NRXN3: variants seen among roughly 807,000 people sequenced by gnomAD.
NRXN3 encodes the protein neurexin 3.
A neutral mutation model predicts 137.6 loss-of-function variants in NRXN3; 32 were observed. The ratio of observed to expected loss-of-function variants is 0.23; its 90% CI spans 0.18 to 0.31. NRXN3 has a LOEUF of 0.31. Among genes scored for constraint, NRXN3 ranks in the 10% least tolerant of loss-of-function variants. NRXN3 has a pLI of 1.00. For synonymous variants in NRXN3, 798 were observed against 784.5 expected (o/e 1.02, Z -0.29); for missense variants, 1,574 against 2,062.5 (o/e 0.76, Z 4.59).
At chr14:79,804,171 G>A (rs1238500757) in intron 19 of NRXN3, among the ~76,000 whole-genome samples, 1 of 151,802 alleles carries the variant, frequency 6.6e-6, no homozygotes, top group African/African-American at 2.4e-5. Flanking sequence ...GGAAATAAAT[G>A]AGCATTATTG....
chr14:79,410,916 C>G (rs2095408751), intron 15 of NRXN3, among the ~76,000 whole-genome samples: 1 of 152,024 alleles, frequency 6.6e-6, no homozygotes, highest in African/African-American at 2.4e-5. Flanking sequence ...TATTTTGAGT[C>G]TTCAGGGTAC....
At chr14:78,772,910 A>G (rs766735493) in intron 8 of NRXN3, among the ~76,000 whole-genome samples, 3 of 152,236 alleles carry the variant, frequency 2.0e-5, no homozygotes, top group Non-Finnish European at 2.9e-5. Flanking sequence ...TCTAACTCGG[A>G]GGAAGTTCTT....
chr14:78,842,919 T>C (rs1440838284), intron 10 of NRXN3, among the ~76,000 whole-genome samples: 3 of 152,136 alleles, frequency 2.0e-5, no homozygotes, highest in Admixed American at 6.5e-5. Context: ...ACATTGCTGT[T>C]ATCCTGTTCT....
intron 15 of NRXN3, among the ~76,000 whole-genome samples, chr14:79,017,201 C>G (rs536160318): frequency 6.9e-6 from 1 of 144,954 alleles, no homozygotes; most frequent in Non-Finnish European, 1.5e-5. Context: ...GACCACTGCC[C>G]TCCTTGTGCA....
chr14:78,343,850 A>G (rs1298421758), intron 4 of NRXN3, among the ~76,000 whole-genome samples: 2 of 152,176 alleles, frequency 1.3e-5, no homozygotes, highest in African/African-American at 4.8e-5. Flanking sequence ...CCCAGCATCA[A>G]TGTATTATAA....
chr14:79,685,764 A>C (rs1051859865), intron 17 of NRXN3, among the ~76,000 whole-genome samples: 6 of 152,202 alleles, frequency 3.9e-5, no homozygotes, highest in African/African-American at 1.4e-4. Context: ...AATATGTTGT[A>C]ATTATTGCAT....
chr14:79,830,239 G>A (rs1265752278), intron 20 of NRXN3, among the ~76,000 whole-genome samples: 7 of 152,138 alleles, frequency 4.6e-5, no homozygotes, highest in African/African-American at 1.4e-4. Context: ...AAGCTTGCAA[G>A]GAATAAATTT....
At chr14:79,274,518 G>C (rs1479172110) in intron 15 of NRXN3, among the ~76,000 whole-genome samples, 1 of 152,008 alleles carries the variant, frequency 6.6e-6, no homozygotes, top group Non-Finnish European at 1.5e-5. Context: ...TCTAAGCTTA[G>C]TGGAGATCTG....
chr14:79,861,596 G>A lies in NRXN3; in HGVS notation c.4348G>A (p.Glu1450Lys). Residue 1450 changes from glutamate to lysine, a missense_variant, in exon 21 of 21, where the codon GAG becomes AAG. By Grantham distance (56) the Glu-to-Lys change is moderately conservative (BLOSUM62 1). This residue lies in a region of NRXN3 where 320 missense variants were observed against 387.1 expected (regional missense o/e 0.83). Coordinates refer to ENST00000335750, the MANE Select transcript of NRXN3 (RefSeq NM_001330195.2). The surrounding 1 kb of genome is among the most constrained non-coding windows in gnomAD (Gnocchi z 5.4). ...CTTGCTTCCGTTGCCCACTGCCTAT[G>A]AGCTAGACAGCACCAAACTGAAGAG... is the stretch of plus-strand genomic sequence containing the variant. ...IVLLPLPTAY[E>K]LDSTKLKSPL... 1.2e-6 allele frequency: 2 copies of A among 1,612,426 alleles called. No individual in the cohort carries two copies. The highest frequency in any genetic ancestry group is 1.7e-6 in the Non-Finnish European group (2 of 1,179,394).
chr14:78,942,308 G>A (rs1209794144), intron 10 of NRXN3, among the ~76,000 whole-genome samples: 1 of 152,160 alleles, frequency 6.6e-6, no homozygotes, highest in Non-Finnish European at 1.5e-5. Context: ...ATAACCTTCA[G>A]AAGCCCTGTC....
chr14:79,534,663 C>CA (rs1445050697), intron 16 of NRXN3, among the ~76,000 whole-genome samples: 1 of 151,148 alleles, frequency 6.6e-6, no homozygotes, highest in Non-Finnish European at 1.5e-5. Context: ...GTTTAAAAAA[C>CA]AAAAAAGACA....
chr14:79,599,615 A>G (rs1183833268), intron 16 of NRXN3, among the ~76,000 whole-genome samples: 1 of 152,222 alleles, frequency 6.6e-6, no homozygotes, highest in Non-Finnish European at 1.5e-5. Context: ...AATAACAACA[A>G]TAATGAATAT....
chr14:79,686,971 A>G (rs1265355645), intron 17 of NRXN3, among the ~76,000 whole-genome samples: 3 of 152,198 alleles, frequency 2.0e-5, no homozygotes, highest in Non-Finnish European at 4.4e-5. Context: ...AAGCTCCCTT[A>G]CTTAATAATG....
At chr14:79,699,081 G>A (rs1055520240) in intron 19 of NRXN3, among the ~76,000 whole-genome samples, 1 of 151,930 alleles carries the variant, frequency 6.6e-6, no homozygotes, top group African/African-American at 2.4e-5. Flanking sequence ...TATGCTGACA[G>A]TGTCATAAGG....
Position 78,292,760 on chromosome 14 carries a change from T to C in NRXN3, c.728-5071T>C, listed in dbSNP as rs567504815. Among the ~76,000 whole-genome samples, 43 of 152,304 alleles carry C rather than the reference T, an allele frequency of 2.8e-4. No individual in the cohort carries two copies. The South Asian group carries it at 6.8e-3, about 24-fold the overall frequency. On this transcript the variant is annotated intron_variant, in intron 3 of 20. Transcript: ENST00000335750. ...GTGAGACTGTTTTGGAAAGGTGTGG[T>C]CCCCTCTGCTTCCATGAGCCCCCGT...
chr14:79,207,421 C>CT (rs900368114), intron 15 of NRXN3, among the ~76,000 whole-genome samples: 4 of 152,120 alleles, frequency 2.6e-5, no homozygotes, highest in African/African-American at 9.7e-5. Context: ...ACAAAAGAGA[C>CT]TGAAGTAGGA....
chr14:79,831,402 C>T (rs1357826302), intron 20 of NRXN3, among the ~76,000 whole-genome samples: 1 of 152,216 alleles, frequency 6.6e-6, no homozygotes, highest in East Asian at 1.9e-4. Flanking sequence ...TGGGAACACG[C>T]TTCCTCTGGT....
intron 4 of NRXN3, among the ~76,000 whole-genome samples, chr14:78,397,451 A>G (rs919007800): frequency 8.9e-5 from 13 of 145,356 alleles, no homozygotes; most frequent in Non-Finnish European, 1.5e-4. Flanking sequence ...GTGCCCATTC[A>G]CTGCGATTTT....
Position 79,674,684 on chromosome 14 carries a change from T to G in NRXN3, c.3616+10735T>G, listed in dbSNP as rs537171390. On this transcript the variant is annotated intron_variant, in intron 17 of 20. Coordinates refer to ENST00000335750, the MANE Select transcript of NRXN3 (RefSeq NM_001330195.2). ...TGACAGATACAAATTCACATGCAAA[T>G]GTACTATTATTTCCTACATCCCAGT... Among the ~76,000 whole-genome samples the G allele has an allele frequency of 3.9e-5, 6 of 152,080 alleles. No homozygotes were observed. In the South Asian group the frequency reaches 1.2e-3, roughly 31 times the overall value.
Sources: gnomAD v4.1 joint callset for allele counts (sites outside exome capture counted in the v4.1 genomes callset) on GRCh38, gnomAD v4.1.1 for gene constraint, gnomAD v4.1.1 regional missense constraint, Gnocchi (gnomAD v3.1) non-coding constraint, MANE v1.5 for transcripts, NCBI Gene and HGNC (gene_info 2026-07-23, HGNC 2026-07-21) for gene names.